OGN: variants seen among roughly 807,000 people sequenced by gnomAD.
The protein encoded by OGN is osteoglycin.
OGN carries 19 observed loss-of-function variants against 30.8 expected under a neutral mutation model. The ratio of observed to expected loss-of-function variants is 0.62; its 90% CI spans 0.43 to 0.90. The LOEUF is 0.90. Among genes scored for constraint, OGN ranks in the 40% least tolerant of loss-of-function variants. The pLI is 0.00. For synonymous variants in OGN, 126 were observed against 128.3 expected (o/e 0.98, Z 0.12); for missense variants, 283 against 349.7 (o/e 0.81, Z 1.52).
chr9:92,388,611 T>A (rs1842535722), intron 5 of OGN, among the ~76,000 whole-genome samples: 1 of 150,186 alleles, frequency 6.7e-6, no homozygotes, highest in African/African-American at 2.4e-5. Flanking sequence ...GAGGCCAAAG[T>A]GGGCGGATCA....
chr9:92,396,475 C>T (rs756060422), intron 3 of OGN, among the ~76,000 whole-genome samples: 3 of 151,826 alleles, frequency 2.0e-5, no homozygotes, highest in African/African-American at 7.3e-5. Context: ...TTCTAGACCT[C>T]GAACATAATA....
At chr9:92,391,891 A>G (rs977429428) in intron 4 of OGN, among the ~76,000 whole-genome samples, 4 of 152,174 alleles carry the variant, frequency 2.6e-5, no homozygotes, top group Admixed American at 2.0e-4. Flanking sequence ...ATTCACAAAT[A>G]TGGAATCCAC....
At position 92,403,230 on chromosome 9, in the gene OGN, G is replaced by A; in HGVS notation, c.174+4C>T. 1 of 1,538,422 alleles carries A rather than the reference G, an allele frequency of 6.5e-7. No individual in the cohort carries two copies. The highest frequency in any genetic ancestry group is 1.2e-5 in the South Asian group (1 of 84,206). On this transcript the variant is annotated splice_donor_region_variant and intron_variant, in intron 2 of 6. Transcript: ENST00000375561. ...AAGCTAAATTTAGAATAGAAATAAAGTACCTTAATATTTTTTCCATCCAGG... is the reference window on the plus strand; with the variant it reads ...AAGCTAAATTTAGAATAGAAATAAAATACCTTAATATTTTTTCCATCCAGG...
At chr9:92,386,975 G>A (rs1439338102) in intron 5 of OGN, among the ~76,000 whole-genome samples, 5 of 150,190 alleles carry the variant, frequency 3.3e-5, no homozygotes, top group Non-Finnish European at 5.9e-5. Flanking sequence ...GTGAACCCAG[G>A]AGGCAGAGCT....
intron 3 of OGN, among the ~76,000 whole-genome samples, chr9:92,397,319 G>T (rs993669986): frequency 4.6e-5 from 7 of 151,990 alleles, no homozygotes; most frequent in South Asian, 2.1e-4. Context: ...AGCACTGGGG[G>T]TTTTTTTGGT....
At position 92,403,347 on chromosome 9, in the gene OGN, G is replaced by T. The variant is rs945395568; in HGVS notation, c.61C>A (p.Pro21Thr). The T allele has an allele frequency of 6.2e-7, 1 of 1,613,458 alleles. No individual in the cohort carries two copies. The highest frequency in any genetic ancestry group is 2.2e-5 in the East Asian group (1 of 44,860). ...ATGCGTGAGTCCTGCTGGGTTGGTG[G>T]TGCTGGCTTTATCAGAGGCACAAGC... ...LLLVPLIKPAPPTQQDSRIIY... is the reference protein window; with the variant it reads ...LLLVPLIKPATPTQQDSRIIY... Residue 21 changes from proline (P) to threonine (T), a missense_variant, in exon 2 of 7, where the codon CCA becomes ACA. Coordinates refer to ENST00000375561, the MANE Select transcript of OGN (RefSeq NM_014057.5).
intron 4 of OGN, among the ~76,000 whole-genome samples, chr9:92,391,860 A>T (rs1443366886): frequency 6.6e-6 from 1 of 152,182 alleles, no homozygotes; most frequent in East Asian, 1.9e-4. Flanking sequence ...TGGGGTTATA[A>T]ATAAATTTTA....
At chr9:92,395,788 C>T (rs1452385866) in intron 3 of OGN, among the ~76,000 whole-genome samples, 1 of 148,232 alleles carries the variant, frequency 6.7e-6, no homozygotes, top group Non-Finnish European at 1.5e-5. Context: ...TTTTCATGTG[C>T]TTGTTTGGCA....
In OGN at chr9:92,384,851, A is replaced by G. The variant is rs913609619; in HGVS notation, c.*769T>C. The G allele has an allele frequency of 6.6e-6, 1 of 152,294 alleles. No individual in the cohort carries two copies. The highest frequency in any genetic ancestry group is 1.5e-5 in the Non-Finnish European group (1 of 68,000). 9.4% of individuals were successfully genotyped at this position (152,294 alleles called of 1,614,324 possible). ...CCATAGAGAACTTTATCAGAAATGG[A>G]TGAACTTTTCATTATTTCTTATAAG... On this transcript the variant is annotated 3_prime_UTR_variant, in exon 7 of 7. Transcript: ENST00000375561.
intron 3 of OGN, among the ~76,000 whole-genome samples, chr9:92,395,277 T>G (rs1426692197): frequency 6.6e-6 from 1 of 152,192 alleles, no homozygotes; most frequent in African/African-American, 2.4e-5. Flanking sequence ...GAATTTTATA[T>G]TAAAAGAATC....
intron 2 of OGN, among the ~76,000 whole-genome samples, chr9:92,402,459 C>T (rs562243415): frequency 6.6e-6 from 1 of 152,196 alleles, no homozygotes; most frequent in African/African-American, 2.4e-5. Flanking sequence ...TCTCATTTTC[C>T]AGTGTGTATG....
At position 92,389,968 on chromosome 9, in the gene OGN, A is replaced by T. The variant is rs1304941704; in HGVS notation, c.516T>A (p.Leu172=). 6.2e-7 allele frequency: 1 copy of T among 1,610,878 alleles called. No homozygotes were observed. The highest frequency in any genetic ancestry group is 1.7e-5 in the Admixed American group (1 of 60,006). ...TTAGTAGTTGATTTTCAGCAAGTGA[A>T]AGTTCTTCTAACAGAGAAAGTTTTG... ...TFSKLSLLEE[L]SLAENQLLKL... Residue 172 remains leucine (L), a synonymous_variant, in exon 5 of 7, where the codon CTT becomes CTA. Transcript: ENST00000375561.
chr9:92,385,697 C>T lies in OGN; in HGVS notation c.820G>A (p.Gly274Ser), dbSNP rs1842390202. 1 of 1,613,922 alleles carries T rather than the reference C, an allele frequency of 6.2e-7. No individual in the cohort carries two copies. Among genetic ancestry groups the T allele is most frequent in the South Asian group, 1.1e-5 (1 of 91,080 alleles). The change falls in exon 7 of 7, where the codon GGC becomes AGC. Residue 274 changes from glycine (G) to serine (S), a missense_variant. By Grantham distance (56) the Gly-to-Ser change is moderately conservative (BLOSUM62 0). Transcript: ENST00000375561. ...TGCTTTCCCAGGACGATTGGATTGCCCTCCAGGCGTATCTCTTCAATGCGG... is the reference window on the plus strand; with the variant it reads ...TGCTTTCCCAGGACGATTGGATTGCTCTCCAGGCGTATCTCTTCAATGCGG... ...RDRIEEIRLE[G>S]NPIVLGKHPN... is the part of the protein sequence containing the mutation.
intron 3 of OGN, among the ~76,000 whole-genome samples, chr9:92,394,778 T>C (rs1269457840): frequency 6.6e-6 from 1 of 151,616 alleles, no homozygotes; most frequent in Non-Finnish European, 1.5e-5. Context: ...CTAATTTTTT[T>C]GTATTTTTAG....
At chr9:92,399,054 C>CA (rs113748385) in intron 3 of OGN, among the ~76,000 whole-genome samples, 1,184 of 109,414 alleles carry the variant, frequency 0.011, 10 homozygotes, top group African/African-American at 0.031. Context: ...GACTCTGTCT[C>CA]AAAAAAAAAA....
At chr9:92,396,519 C>T (rs1048740292) in intron 3 of OGN, among the ~76,000 whole-genome samples, 9 of 151,844 alleles carry the variant, frequency 5.9e-5, no homozygotes, top group African/African-American at 2.4e-5. Context: ...TCTTTATTTT[C>T]TCTTAGCAGC....
chr9:92,390,016 T>A lies in OGN; in HGVS notation c.468A>T (p.Glu156Asp), dbSNP rs1842605517. 1.4e-5 allele frequency: 22 copies of A among 1,606,526 alleles called. No homozygotes were observed. The highest frequency in any genetic ancestry group is 1.8e-5 in the Non-Finnish European group (21 of 1,174,730). The change falls in exon 5 of 7, where the codon GAA becomes GAT. Residue 156 changes from glutamate (E) to aspartate (D), a missense_variant. By Grantham distance (45) the Glu-to-Asp change is conservative. Coordinates refer to ENST00000375561, the MANE Select transcript of OGN (RefSeq NM_014057.5). ...RRLDFTGNLI[E>D]DIEDGTFSKL... ...TTGAAAAAGTACCATCTTCTATATC[T>A]TCTATCAAATTTCCTGTAAAATCGA... is the stretch of plus-strand genomic sequence containing the variant.
chr9:92,404,384 A>C, intron 1 of OGN, 112 bp downstream of exon 1: 1 of 570,790 alleles, frequency 1.8e-6, no homozygotes, highest in South Asian at 2.0e-5. Context: ...AAATTAATTG[A>C]GGTAACTGAA....
chr9:92,386,128 A>G, intron 6 of OGN, 73 bp downstream of exon 6: 7 of 1,129,080 alleles, frequency 6.2e-6, no homozygotes, highest in Non-Finnish European at 9.4e-6. Flanking sequence ...TGAATAAGTG[A>G]GGTTCCCAAT....
Sources: allele counts gnomAD v4.1 joint callset (sites outside exome capture counted in the v4.1 genomes callset), GRCh38; gene constraint gnomAD v4.1.1; transcripts MANE v1.5; gene names NCBI Gene and HGNC (gene_info 2026-07-23, HGNC 2026-07-21).